Variants in KIF16B observed in about 807,000 individuals in gnomAD.
KIF16B encodes the protein kinesin family member 16B.
KIF16B carries 98 observed loss-of-function variants against 156.3 expected under a neutral mutation model. The observed-to-expected ratio is 0.63, with a 90% CI of 0.53 to 0.74. The LOEUF (loss-of-function observed/expected upper bound fraction) is 0.74, where lower values mean the gene tolerates loss of function less well. Ranked by LOEUF, KIF16B falls within the 30% of genes least tolerant of loss-of-function variation. KIF16B has a pLI of 0.00. For synonymous variants in KIF16B, 564 were observed against 583.7 expected (o/e 0.97, Z 0.49); for missense variants, 1,421 against 1,606.5 (o/e 0.88, Z 1.97).
chr20:16,570,717 G>A (rs2071420630), intron 1 of KIF16B, among the ~76,000 whole-genome samples: 1 of 152,038 alleles, frequency 6.6e-6, no homozygotes, highest in Non-Finnish European at 1.5e-5. Flanking sequence ...TCATCATCCT[G>A]GCAATATTTG....
chr20:16,363,504 C>T (rs1271605683), intron 22 of KIF16B, among the ~76,000 whole-genome samples: 2 of 152,144 alleles, frequency 1.3e-5, no homozygotes, highest in African/African-American at 4.8e-5. Context: ...TTCTTCTCTC[C>T]CTATAGTAGT....
At chr20:16,470,567 C>A (rs1028722033) in intron 12 of KIF16B, among the ~76,000 whole-genome samples, 8 of 152,052 alleles carry the variant, frequency 5.3e-5, no homozygotes, top group Non-Finnish European at 8.8e-5. Flanking sequence ...ACTGCAGCCT[C>A]CAACCCCCCA....
intron 23 of KIF16B, among the ~76,000 whole-genome samples, chr20:16,349,280 G>T (rs2064290585): frequency 6.6e-6 from 1 of 152,214 alleles, no homozygotes; most frequent in South Asian, 2.1e-4. Context: ...CCATCAGGGT[G>T]CCACCTACCC....
intron 23 of KIF16B, among the ~76,000 whole-genome samples, chr20:16,336,820 C>A (rs1223847360): frequency 1.3e-5 from 2 of 152,190 alleles, no homozygotes; most frequent in Admixed American, 6.5e-5. Context: ...AGTGCTAAGT[C>A]TTGCTCCTTT....
rs185094259 is a variant in KIF16B, at chr20:16,388,158, A to G, written c.1785-6411T>C. On this transcript the variant is annotated intron_variant, in intron 17 of 25. Transcript: ENST00000354981. ...TTAAAAGACAAACAAAAAATGCCGT[A>G]AAGATGTTTGGTCTTAAATCACAAA... 1.0e-3 allele frequency among the ~76,000 whole-genome samples: 156 copies of G among 152,364 alleles called. 1 individual carries two copies. Among genetic ancestry groups the G allele is most frequent in the Non-Finnish European group, 2.0e-3 (136 of 68,040 alleles).
chr20:16,495,147 G>C (rs897715133), intron 11 of KIF16B, among the ~76,000 whole-genome samples: 1 of 152,184 alleles, frequency 6.6e-6, no homozygotes, highest in Non-Finnish European at 1.5e-5. Flanking sequence ...GTCTATAGGA[G>C]AGTAGCTTCA....
intron 22 of KIF16B, among the ~76,000 whole-genome samples, chr20:16,358,566 A>G (rs181310687): frequency 2.6e-5 from 4 of 152,288 alleles, no homozygotes; most frequent in African/African-American, 9.6e-5. Context: ...CAGTTCCCCT[A>G]TGGAAATGGG....
intron 12 of KIF16B, among the ~76,000 whole-genome samples, chr20:16,469,254 T>TAAAAAAAAAAA (rs57114751): frequency 6.1e-5 from 4 of 66,078 alleles, no homozygotes; most frequent in Non-Finnish European, 8.9e-5. Flanking sequence ...CCCTGTGTCT[T>TAAAAAAAAAAA]AAAAAAAAAA....
Position 16,531,865 on chromosome 20 carries a change from C to T in KIF16B, c.48-3425G>A, listed in dbSNP as rs1341504958. On this transcript the variant is annotated intron_variant, in intron 1 of 25. Coordinates refer to ENST00000354981, the MANE Select transcript of KIF16B (RefSeq NM_024704.5). ...AAGTGGATCATCTGAAGTCAGGGTT[C>T]GAGACCAGCCTGGCCAACATGGCAA... Among the ~76,000 whole-genome samples, 3 of 152,100 alleles carry T rather than the reference C, an allele frequency of 2.0e-5. No homozygotes were observed. In the East Asian group the frequency reaches 5.8e-4, roughly 29 times the overall value.
At position 16,345,289 on chromosome 20, in the gene KIF16B, C is replaced by T. The variant is rs537688633; in HGVS notation, c.3622-9274G>A. Among the ~76,000 whole-genome samples, 4 of 152,184 alleles carry T rather than the reference C, an allele frequency of 2.6e-5. 1 individual carries two copies. Among genetic ancestry groups the T allele is most frequent in the Non-Finnish European group, 5.9e-5 (4 of 68,024 alleles). On this transcript the variant is annotated intron_variant, in intron 23 of 25. Transcript: ENST00000354981. Reference sequence around the variant, plus strand: ...TTTTCTGTTCCTTGGTATCCTGATGCTTCTACTATGGTCTTTAAAAAAATT... The same window carrying T: ...TTTTCTGTTCCTTGGTATCCTGATGTTTCTACTATGGTCTTTAAAAAAATT...
At chr20:16,343,283 T>G (rs545718450) in intron 23 of KIF16B, among the ~76,000 whole-genome samples, 1 of 152,312 alleles carries the variant, frequency 6.6e-6, no homozygotes, top group Admixed American at 6.5e-5. Context: ...CTCAATTGAG[T>G]GCTTCCCACA....
chr20:16,427,115 T>C lies in KIF16B; in HGVS notation c.1601A>G (p.His534Arg), dbSNP rs761804326. 1.2e-6 allele frequency: 2 copies of C among 1,606,350 alleles called. No homozygotes were observed. Among genetic ancestry groups the C allele is most frequent in the Non-Finnish European group, 1.7e-6 (2 of 1,176,720 alleles). ...VNGVQIVEAT[H>R]LNQGAVILLG... is the part of the protein sequence containing the mutation. ...TTAAAACCAGATACCTTGATTTAGA[T>C]GTGTGGCCTCCACGATCTGAACACC... is the stretch of plus-strand genomic sequence containing the variant. Residue 534 changes from histidine to arginine, a missense_variant, in exon 15 of 26, where the codon CAT (histidine) becomes CGT (arginine). Transcript: ENST00000354981.
intron 1 of KIF16B, among the ~76,000 whole-genome samples, chr20:16,563,170 CA>C (rs1202841979): frequency 6.6e-6 from 1 of 152,140 alleles, no homozygotes; most frequent in Non-Finnish European, 1.5e-5. Flanking sequence ...ATGGACAGAG[CA>C]AAAAACACAA....
chr20:16,366,754 A>T, intron 22 of KIF16B: 1 of 834,160 alleles, frequency 1.2e-6, no homozygotes, highest in Non-Finnish European at 1.5e-6. Flanking sequence ...TAGACTGGGC[A>T]CTTTTTCAGG....
At chr20:16,474,991 C>T (rs377023659) in intron 12 of KIF16B, among the ~76,000 whole-genome samples, 25 of 152,332 alleles carry the variant, frequency 1.6e-4, no homozygotes, top group African/African-American at 6.0e-4. Flanking sequence ...TTTCACACAA[C>T]ACCTCTCACC....
At chr20:16,418,193 T>C (rs540116431) in intron 15 of KIF16B, among the ~76,000 whole-genome samples, 2 of 151,670 alleles carry the variant, frequency 1.3e-5, no homozygotes, top group East Asian at 3.9e-4. Context: ...AAAAAAGGGG[T>C]TAAACAGAAT....
At chr20:16,330,620 T>C (rs1324708718) in intron 24 of KIF16B, among the ~76,000 whole-genome samples, 5 of 152,192 alleles carry the variant, frequency 3.3e-5, no homozygotes, top group Non-Finnish European at 7.3e-5. Context: ...TCAACAGGAT[T>C]CTGGAAACCT....
chr20:16,528,490 A>T, intron 1 of KIF16B, 50 bp from the exon 2 acceptor site: 1 of 1,265,746 alleles, frequency 7.9e-7, no homozygotes, highest in Admixed American at 1.7e-5. Flanking sequence ...GATTATTAAA[A>T]ACAAAACAAA....
intron 1 of KIF16B, among the ~76,000 whole-genome samples, chr20:16,554,490 G>C (rs1197014198): frequency 6.6e-6 from 1 of 152,188 alleles, no homozygotes; most frequent in Non-Finnish European, 1.5e-5. Flanking sequence ...TCTCCTTTGA[G>C]CTGTCTGTCG....
Sources: allele counts gnomAD v4.1 joint callset (sites outside exome capture counted in the v4.1 genomes callset), GRCh38; gene constraint gnomAD v4.1.1; transcripts MANE v1.5; gene names NCBI Gene and HGNC (gene_info 2026-07-23, HGNC 2026-07-21).